The following MAPK9 variants were observed in gnomAD, a reference collection of about 807,000 sequenced individuals.
MAPK9 encodes Jun kinase.
In MAPK9, 30 loss-of-function variants were observed where a neutral mutation model predicts 57.1. That is an observed-to-expected ratio of 0.53 (90% confidence interval 0.39 to 0.71). The LOEUF (loss-of-function observed/expected upper bound fraction) is 0.71, where lower values mean the gene tolerates loss of function less well. Ranked by LOEUF, MAPK9 falls within the 30% of genes least tolerant of loss-of-function variation. The pLI is 0.00. For synonymous variants in MAPK9, 155 were observed against 177.0 expected, an observed-to-expected ratio of 0.88 and a Z score of 0.99; for missense variants, 362 against 521.0, an observed-to-expected ratio of 0.69 and a Z score of 2.97.
In MAPK9 at chr5:180,247,951, A is replaced by C; in HGVS notation, c.617-441T>G. 1 of 1,608,706 alleles carries C rather than the reference A, an allele frequency of 6.2e-7. No homozygotes were observed. ...ACTACCAAACACCAGGGGATTAAAA[A>C]CCAGCTAGAGTCCCCCATCTTTTTT... On this transcript the variant is annotated intron_variant, in intron 6 of 11. Coordinates refer to ENST00000452135, the MANE Select transcript of MAPK9 (RefSeq NM_002752.5). The surrounding 1 kb of genome is among the most constrained non-coding windows in gnomAD (Gnocchi z 4.5).
At chr5:180,270,849 C>T (rs1761206796) in intron 2 of MAPK9, among the ~76,000 whole-genome samples, 1 of 127,870 alleles carries the variant, frequency 7.8e-6, no homozygotes, top group Admixed American at 8.1e-5. Flanking sequence ...ACCCTGTTGC[C>T]CAGGGTCTCA....
chr5:180,262,254 G>A (rs1484650913), intron 4 of MAPK9, among the ~76,000 whole-genome samples: 9 of 151,986 alleles, frequency 5.9e-5, no homozygotes, highest in Admixed American at 5.2e-4. Flanking sequence ...TTTTGCTGTG[G>A]CTCTAAATTG....
chr5:180,268,368 C>T (rs186100745), intron 3 of MAPK9, among the ~76,000 whole-genome samples: 1 of 152,312 alleles, frequency 6.6e-6, no homozygotes, highest in Non-Finnish European at 1.5e-5. Context: ...TATAGAACAA[C>T]ATCTTTCCAC....
intron 2 of MAPK9, among the ~76,000 whole-genome samples, chr5:180,275,986 T>C (rs186637093): frequency 2.6e-4 from 39 of 152,082 alleles, no homozygotes; most frequent in African/African-American, 9.4e-4. Context: ...CCATCTTAAA[T>C]GAGAAGTTCC....
At chr5:180,246,286 T>A (rs866311282) in intron 7 of MAPK9, 1 of 152,098 alleles carries the variant, frequency 6.6e-6, no homozygotes, top group African/African-American at 2.4e-5. Context: ...GAATCTGAGA[T>A]GAGGCTATGG....
At chr5:180,266,507 G>A (rs1279274139) in intron 3 of MAPK9, among the ~76,000 whole-genome samples, 2 of 151,890 alleles carry the variant, frequency 1.3e-5, no homozygotes, top group African/African-American at 4.8e-5. Flanking sequence ...TAGAGACGGG[G>A]TTTCACCACG....
intron 2 of MAPK9, among the ~76,000 whole-genome samples, chr5:180,276,778 C>T (rs943951815): frequency 5.3e-5 from 8 of 152,194 alleles, no homozygotes; most frequent in Admixed American, 2.6e-4. Flanking sequence ...CACTTGAACC[C>T]GCGAGGCGGA....
chr5:180,245,356 T>TGCC (rs1561787851), intron 7 of MAPK9, among the ~76,000 whole-genome samples: 3 of 152,170 alleles, frequency 2.0e-5, no homozygotes, highest in African/African-American at 2.4e-5. Flanking sequence ...GTTCTCCTGC[T>TGCC]CTGCCCTGCC....
intron 2 of MAPK9, among the ~76,000 whole-genome samples, chr5:180,275,534 G>A (rs1761734399): frequency 6.6e-6 from 1 of 152,182 alleles, no homozygotes; most frequent in Admixed American, 6.5e-5. Context: ...GCCCCTTCCA[G>A]AATTTTCAAA....
At chr5:180,253,189 G>A (rs1758892363) in intron 5 of MAPK9, among the ~76,000 whole-genome samples, 1 of 152,210 alleles carries the variant, frequency 6.6e-6, no homozygotes, top group Admixed American at 6.5e-5. Flanking sequence ...CCTCAGAGCT[G>A]CACCGCAGTC....
At chr5:180,254,871 A>T (rs1312772591) in intron 5 of MAPK9, among the ~76,000 whole-genome samples, 3 of 152,164 alleles carry the variant, frequency 2.0e-5, no homozygotes, top group Admixed American at 2.0e-4. Flanking sequence ...TGTCTCTACT[A>T]AAAATACAAA....
chr5:180,241,593 C>G (rs1757665435), intron 8 of MAPK9, among the ~76,000 whole-genome samples: 1 of 152,250 alleles, frequency 6.6e-6, no homozygotes, highest in Admixed American at 6.5e-5. Context: ...GCCGCCGCAC[C>G]CAGCCATAAC....
intron 7 of MAPK9, 63 bp from the exon 8 acceptor site, chr5:180,242,818 A>G: frequency 2.3e-6 from 3 of 1,300,722 alleles, no homozygotes; most frequent in Non-Finnish European, 3.2e-6. Context: ...ATGCGGCAGC[A>G]TCACTTGAAT....
In MAPK9 at chr5:180,236,092, G is replaced by T. The variant is rs1757153819; in HGVS notation, c.*292C>A. On this transcript the variant is annotated 3_prime_UTR_variant, in exon 12 of 12. Transcript: ENST00000452135. Reference sequence around the variant, plus strand: ...ACATCTCAACAGTTACAGATGATGAGAAACTGTCACTAGTACAATTTGAAA... The same window carrying T: ...ACATCTCAACAGTTACAGATGATGATAAACTGTCACTAGTACAATTTGAAA... 4.4e-6 allele frequency: 1 copy of T among 228,994 alleles called. No homozygotes were observed. The highest frequency in any genetic ancestry group is 8.5e-6 in the Non-Finnish European group (1 of 117,354). The allele number at this position is 228,994 out of a possible 1,614,324, so 14.2% of individuals were successfully genotyped here.
At chr5:180,241,492 G>C (rs532281571) in intron 8 of MAPK9, among the ~76,000 whole-genome samples, 11 of 152,170 alleles carry the variant, frequency 7.2e-5, no homozygotes, top group Non-Finnish European at 1.5e-4. Context: ...GTAGAGACAG[G>C]GTTTCACTGT....
intron 5 of MAPK9, among the ~76,000 whole-genome samples, chr5:180,253,310 C>T (rs35871668): frequency 0.048 from 7,252 of 152,312 alleles, 203 homozygotes; most frequent in African/African-American, 0.07. Flanking sequence ...GCCAGTCCCT[C>T]GCCTGTCTAA....
At chr5:180,236,725 CTA>C in intron 11 of MAPK9, 199 bp from the exon 12 acceptor site, 1 of 462,528 alleles carries the variant, frequency 2.2e-6, no homozygotes, top group Non-Finnish European at 3.8e-6. Flanking sequence ...TCCCATATTC[CTA>C]TGTCTTTCCT....
chr5:180,283,290 A>C (rs904985042), intron 1 of MAPK9, among the ~76,000 whole-genome samples: 30 of 152,180 alleles, frequency 2.0e-4, no homozygotes, highest in Admixed American at 5.9e-4. Flanking sequence ...CTTCCAGATC[A>C]CTTTTATTTT....
At chr5:180,242,035 G>A (rs1402985696) in intron 8 of MAPK9, among the ~76,000 whole-genome samples, 1 of 151,950 alleles carries the variant, frequency 6.6e-6, no homozygotes, top group Non-Finnish European at 1.5e-5. Context: ...AGAAAAACAA[G>A]TTCAATAACT....
Sources: gnomAD v4.1 joint callset for allele counts (sites outside exome capture counted in the v4.1 genomes callset) on GRCh38, gnomAD v4.1.1 for gene constraint, Gnocchi (gnomAD v3.1) non-coding constraint, MANE v1.5 for transcripts, NCBI Gene and HGNC (gene_info 2026-07-23, HGNC 2026-07-21) for gene names.